Variants in EML1 observed in about 807,000 individuals in gnomAD.
EML1 encodes the protein echinoderm microtubule-associated protein-like 1.
A neutral mutation model predicts 110.4 loss-of-function variants in EML1; 27 were observed. The observed-to-expected ratio is 0.24, with a 90% CI of 0.18 to 0.34. The LOEUF is 0.34. Among genes scored for constraint, EML1 ranks in the 10% least tolerant of loss-of-function variants. The pLI, the probability that EML1 is intolerant of heterozygous loss-of-function variation, is 1.00. For synonymous variants in EML1, 344 were observed against 385.8 expected, an observed-to-expected ratio of 0.89 and a Z score of 1.27; for missense variants, 741 against 1,030.9, an observed-to-expected ratio of 0.72 and a Z score of 3.85.
At chr14:99,869,300 A>T (rs182500338) in intron 3 of EML1, among the ~76,000 whole-genome samples, 1 of 152,174 alleles carries the variant, frequency 6.6e-6, no homozygotes, top group East Asian at 1.9e-4. Context: ...TGTTATCATT[A>T]TGTCTGGTAT....
In EML1 at chr14:99,900,935, C is replaced by T; in HGVS notation, c.904C>T (p.Pro302Ser). The T allele has an allele frequency of 2.5e-6, 4 of 1,613,864 alleles. No homozygotes were observed. Among genetic ancestry groups the T allele is most frequent in the Non-Finnish European group, 3.4e-6 (4 of 1,179,742 alleles). Residue 302 changes from proline (P) to serine (S), a missense_variant, in exon 9 of 22, where the codon CCC becomes TCC. Coordinates refer to ENST00000262233, the MANE Select transcript of EML1 (RefSeq NM_004434.3). ...GTGTTTCTTTTCTGAACAGCAATTGCCCCCACATGTGCGCATCTGGGATTC... is the reference window on the plus strand; with the variant it reads ...GTGTTTCTTTTCTGAACAGCAATTGTCCCCACATGTGCGCATCTGGGATTC... ...AGTSKDGKQL[P>S]PHVRIWDSVT...
In EML1 at chr14:99,939,164, T is replaced by C; in HGVS notation, c.2192-33T>C. 1 of 1,610,808 alleles carries C rather than the reference T, an allele frequency of 6.2e-7. No individual in the cohort carries two copies. The highest frequency in any genetic ancestry group is 8.5e-7 in the Non-Finnish European group (1 of 1,178,152). On this transcript the variant is annotated intron_variant, in intron 20 of 21. Coordinates refer to ENST00000262233, the MANE Select transcript of EML1 (RefSeq NM_004434.3). This position sits in a 1 kb window ranked among gnomAD's most constrained non-coding sequence, Gnocchi z 4.2. ...CCATGTGGCCCTGTGGCCCCTGGTG[T>C]TTCCAGCGCCCTGTTTGTGGTCTTT...
At chr14:99,880,159 C>G (rs1436242018) in intron 4 of EML1, among the ~76,000 whole-genome samples, 1 of 152,126 alleles carries the variant, frequency 6.6e-6, no homozygotes, top group Non-Finnish European at 1.5e-5. Flanking sequence ...AAAATAAATT[C>G]TTTGTCTTGT....
chr14:99,874,722 T>A (rs2139920430), intron 3 of EML1, among the ~76,000 whole-genome samples: 1 of 152,350 alleles, frequency 6.6e-6, no homozygotes, highest in African/African-American at 2.4e-5. Flanking sequence ...TTTTAAAAAG[T>A]TTAACATTTT....
rs994583291 is a variant in EML1 at position 99,781,172 on chromosome 14, TTCTAATTCTTTCC to T, written c.-27+7175_-27+7187del. ...CCCTTCTCCTTGACTCGTCCCCAGC[TTCTAATTCTTTCC>T]TCTAATTCTTTCCTCCTCCCATCAA... On this transcript the variant is annotated intron_variant, in intron 1 of 22. Transcript: ENST00000327921. The surrounding 1 kb of genome is among the most constrained non-coding windows in gnomAD (Gnocchi z 4.2). Among the ~76,000 whole-genome samples the T allele has an allele frequency of 2.6e-5, 4 of 151,998 alleles. No homozygotes were observed. Among genetic ancestry groups the T allele is most frequent in the East Asian group, 1.9e-4 (1 of 5,160 alleles).
intron 4 of EML1, among the ~76,000 whole-genome samples, chr14:99,884,554 T>C (rs2059442819): frequency 1.3e-5 from 2 of 151,988 alleles, no homozygotes; most frequent in Admixed American, 1.3e-4. Flanking sequence ...ATCCACGGAA[T>C]AGAAAAATGG....
chr14:99,855,468 A>G (rs944975538), intron 2 of EML1, among the ~76,000 whole-genome samples: 2 of 152,200 alleles, frequency 1.3e-5, no homozygotes, highest in African/African-American at 2.4e-5. Flanking sequence ...AGTAGTTTGG[A>G]GTTCAATCAA....
chr14:99,893,254 G>A lies in EML1; in HGVS notation c.548-1375G>A, dbSNP rs554111728. Among the ~76,000 whole-genome samples, 26 of 35,108 alleles carry A rather than the reference G, an allele frequency of 7.4e-4. No individual in the cohort carries two copies. The East Asian group carries it at 0.083, about 112-fold the overall frequency. The allele number at this position is 35,108 out of a possible 152,430, so 23.0% of individuals were successfully genotyped here. Reference sequence around the variant, plus strand: ...GGTGAAGAAGTTTACATGGAGGAAGGGCTCCGTAAACCTGGTTTGGGCCTT... The same window carrying A: ...GGTGAAGAAGTTTACATGGAGGAAGAGCTCCGTAAACCTGGTTTGGGCCTT... On this transcript the variant is annotated intron_variant, in intron 5 of 21. Coordinates refer to ENST00000262233, the MANE Select transcript of EML1 (RefSeq NM_004434.3).
chr14:99,793,390 C>G (rs1423738648), upstream of EML1: 1 of 999,166 alleles, frequency 1.0e-6, no homozygotes, highest in Non-Finnish European at 1.2e-6. Context: ...AGCGCCAGCG[C>G]CGGTCGCGGT....
intron 17 of EML1, among the ~76,000 whole-genome samples, chr14:99,929,182 TTGCC>T (rs2060321968): frequency 6.6e-6 from 1 of 152,204 alleles, no homozygotes; most frequent in African/African-American, 2.4e-5. Context: ...TTCAGAGTCA[TTGCC>T]TGGGAGCTGT....
At chr14:99,898,510 G>A (rs1428573296) in intron 8 of EML1, among the ~76,000 whole-genome samples, 2 of 152,174 alleles carry the variant, frequency 1.3e-5, no homozygotes. Flanking sequence ...CCAGCACTTT[G>A]GGATGCCAAG....
chr14:99,768,624 G>A (rs577238447), upstream of EML1, among the ~76,000 whole-genome samples: 18 of 152,282 alleles, frequency 1.2e-4, no homozygotes, highest in African/African-American at 2.6e-4. Flanking sequence ...AAAGATGGGC[G>A]GAGCTTCAAC....
At chr14:99,795,449 CTG>C (rs1474940099) in intron 1 of EML1, among the ~76,000 whole-genome samples, 2 of 152,162 alleles carry the variant, frequency 1.3e-5, no homozygotes, top group South Asian at 2.1e-4. Context: ...GTTCTCAGCT[CTG>C]TATTTGTTAT....
intron 1 of EML1, among the ~76,000 whole-genome samples, chr14:99,741,744 C>T (rs927910876): frequency 6.6e-6 from 1 of 152,112 alleles, no homozygotes; most frequent in Non-Finnish European, 1.5e-5. Flanking sequence ...AGGCCTCGCC[C>T]CCCAATTTAT....
intron 10 of EML1, among the ~76,000 whole-genome samples, chr14:99,908,084 T>C (rs754446642): frequency 3.0e-4 from 46 of 152,212 alleles, no homozygotes; most frequent in Non-Finnish European, 6.2e-4. Context: ...GGCCCGGAAA[T>C]GTGCTCAGGC....
intron 1 of EML1, among the ~76,000 whole-genome samples, chr14:99,807,381 C>T (rs992075331): frequency 7.9e-5 from 12 of 152,274 alleles, no homozygotes; most frequent in South Asian, 2.1e-4. Flanking sequence ...GGCTGCAAGG[C>T]GATTCTAGAG....
At chr14:99,782,986 T>TTATATA (rs71464630) in intron 1 of EML1, among the ~76,000 whole-genome samples, 1 of 150,698 alleles carries the variant, frequency 6.6e-6, no homozygotes. Context: ...TCTAAATCGT[T>TTATATA]TATATATATA....
intron 1 of EML1, among the ~76,000 whole-genome samples, chr14:99,842,618 G>C (rs2058650485): frequency 6.6e-6 from 1 of 152,094 alleles, no homozygotes; most frequent in Non-Finnish European, 1.5e-5. Context: ...CAAATATTGA[G>C]GTGGTGGGGG....
At chr14:99,798,677 C>T (rs2057820619) in intron 1 of EML1, among the ~76,000 whole-genome samples, 1 of 152,170 alleles carries the variant, frequency 6.6e-6, no homozygotes, top group African/African-American at 2.4e-5. Context: ...TAGGCATGAG[C>T]CACTGTACCT....
Sources: gnomAD v4.1 joint callset for allele counts (sites outside exome capture counted in the v4.1 genomes callset) on GRCh38, gnomAD v4.1.1 for gene constraint, Gnocchi (gnomAD v3.1) non-coding constraint, MANE v1.5 for transcripts, NCBI Gene and HGNC (gene_info 2026-07-23, HGNC 2026-07-21) for gene names.